The following FMN2 variants were observed in gnomAD, a reference collection of about 807,000 sequenced individuals.
The protein encoded by FMN2 is formin 2.
In FMN2, 51 loss-of-function variants were observed where a neutral mutation model predicts 142.3. That is an observed-to-expected ratio of 0.36 (90% CI 0.29 to 0.45). The LOEUF is 0.45. Ranked by LOEUF, FMN2 falls within the 20% of genes least tolerant of loss-of-function variation. The pLI, the probability that FMN2 is intolerant of heterozygous loss-of-function variation, is 1.00. For synonymous variants in FMN2, 882 were observed against 869.8 expected (o/e 1.01, Z -0.25); for missense variants, 1,936 against 2,122.8 (o/e 0.91, Z 1.73).
intron 7 of FMN2, among the ~76,000 whole-genome samples, chr1:240,288,732 TC>T (rs1669678201): frequency 6.6e-6 from 1 of 151,940 alleles, no homozygotes; most frequent in South Asian, 2.1e-4. Flanking sequence ...GTATGCCCTT[TC>T]TGTCTCACTC....
chr1:240,136,995 A>C (rs1394180448), intron 2 of FMN2, among the ~76,000 whole-genome samples: 2 of 149,780 alleles, frequency 1.3e-5, no homozygotes, highest in Non-Finnish European at 3.0e-5. Flanking sequence ...GCTTGAACCC[A>C]AGAGGCGGAC....
intron 1 of FMN2, among the ~76,000 whole-genome samples, chr1:240,113,996 T>C (rs900930720): frequency 2.0e-5 from 3 of 152,212 alleles, no homozygotes; most frequent in African/African-American, 7.2e-5. Context: ...ATTTAAGATA[T>C]TTTATTGTGA....
chr1:240,314,799 T>G lies in FMN2; in HGVS notation c.4216-14277T>G, dbSNP rs563387233. Among the ~76,000 whole-genome samples, 19 of 152,324 alleles carry G rather than the reference T, an allele frequency of 1.2e-4. No homozygotes were observed. In the East Asian group the frequency reaches 3.7e-3, roughly 29 times the overall value. On this transcript the variant is annotated intron_variant, in intron 8 of 17. Transcript: ENST00000319653. The stretch of plus-strand genomic sequence containing the variant: ...CACATCCTTGTGTGTGGTGTTGAAT[T>G]GTTTGTAAGTTCCCTGTCTGCCTCT...
chr1:240,249,368 T>C (rs547603842), intron 6 of FMN2, among the ~76,000 whole-genome samples: 1 of 152,186 alleles, frequency 6.6e-6, no homozygotes, highest in African/African-American at 2.4e-5. Flanking sequence ...TTTTCCCTCA[T>C]GTATGTTCTT....
At position 240,148,438 on chromosome 1, in the gene FMN2, G is replaced by C. The variant is rs560870476; in HGVS notation, c.1782+25093G>C. 4.9e-5 allele frequency among the ~76,000 whole-genome samples: 6 copies of C among 122,388 alleles called. 1 individual carries two copies. In the East Asian group the frequency reaches 1.4e-3, roughly 29 times the overall value. The allele number at this position is 122,388 out of a possible 152,430, so 80.3% of individuals were successfully genotyped here. A position where few individuals can be genotyped will look rare whatever the true frequency, so the allele number is the denominator to read the frequency against. ...CAGACAGGAAAGATACAGAAAGAGAGAGACAGAGAGAGAGAAAGAGAGAGA... is the reference window on the plus strand; with the variant it reads ...CAGACAGGAAAGATACAGAAAGAGACAGACAGAGAGAGAGAAAGAGAGAGA... On this transcript the variant is annotated intron_variant, in intron 2 of 17. Transcript: ENST00000319653.
At chr1:240,199,020 G>A (rs1292936598) in intron 4 of FMN2, among the ~76,000 whole-genome samples, 7 of 152,200 alleles carry the variant, frequency 4.6e-5, no homozygotes, top group Non-Finnish European at 8.8e-5. Flanking sequence ...AGGGAGAATC[G>A]CTTGAACCCA....
At chr1:240,100,780 A>G (rs1661383989) in intron 1 of FMN2, among the ~76,000 whole-genome samples, 1 of 152,120 alleles carries the variant, frequency 6.6e-6, no homozygotes, top group Admixed American at 6.5e-5. Context: ...TGGAAGCTTT[A>G]TTATCTGTTA....
At chr1:240,293,850 G>A (rs936609824) in intron 7 of FMN2, among the ~76,000 whole-genome samples, 2 of 152,166 alleles carry the variant, frequency 1.3e-5, no homozygotes, top group East Asian at 1.9e-4. Context: ...CCTGTGCTTC[G>A]ATTTCCCACT....
intron 15 of FMN2, among the ~76,000 whole-genome samples, chr1:240,431,823 A>T (rs1675188719): frequency 6.6e-6 from 1 of 150,930 alleles, no homozygotes; most frequent in East Asian, 1.9e-4. Flanking sequence ...CTAATTTGTT[A>T]TGTATTATCC....
chr1:240,249,204 T>C (rs1668192764), intron 6 of FMN2, among the ~76,000 whole-genome samples: 1 of 152,130 alleles, frequency 6.6e-6, no homozygotes, highest in South Asian at 2.1e-4. Context: ...TTTCCCTCTG[T>C]TTACTTCTAG....
At chr1:240,171,224 T>G in intron 2 of FMN2, 2 of 777,340 alleles carry the variant, frequency 2.6e-6, no homozygotes, top group Non-Finnish European at 4.8e-6. Flanking sequence ...AATCTGTCTT[T>G]TGATGAAATT....
At chr1:240,104,120 C>T (rs1399195895) in intron 1 of FMN2, among the ~76,000 whole-genome samples, 3 of 151,120 alleles carry the variant, frequency 2.0e-5, no homozygotes, top group East Asian at 1.9e-4. Context: ...CCTCGTGATC[C>T]GCCCGCCTCA....
At chr1:240,458,663 A>G (rs899218333) in intron 16 of FMN2, 1 of 152,248 alleles carries the variant, frequency 6.6e-6, no homozygotes, top group Admixed American at 6.5e-5. Context: ...AGGTGGAAAT[A>G]GTAAAAGGAT....
chr1:240,276,263 G>A (rs1489642526), intron 7 of FMN2, among the ~76,000 whole-genome samples: 2 of 152,198 alleles, frequency 1.3e-5, no homozygotes, highest in Non-Finnish European at 2.9e-5. Flanking sequence ...ATTAGAATAG[G>A]TGAAGAGGTG....
At chr1:240,177,351 CT>C (rs1664959438) in intron 2 of FMN2, among the ~76,000 whole-genome samples, 2 of 148,114 alleles carry the variant, frequency 1.4e-5, no homozygotes, top group African/African-American at 5.1e-5. Flanking sequence ...CAGAAGATCC[CT>C]ATTCAATTCT....
At chr1:240,465,880 A>G (rs1676604323) in intron 16 of FMN2, among the ~76,000 whole-genome samples, 1 of 152,174 alleles carries the variant, frequency 6.6e-6, no homozygotes, top group African/African-American at 2.4e-5. Context: ...CTCTGTATCT[A>G]TGCCAGAGTG....
At chr1:240,172,601 T>A (rs1216337265) in intron 2 of FMN2, among the ~76,000 whole-genome samples, 1 of 152,142 alleles carries the variant, frequency 6.6e-6, no homozygotes, top group Admixed American at 6.5e-5. Flanking sequence ...AGGGACACAT[T>A]TTTCCTGATT....
intron 4 of FMN2, among the ~76,000 whole-genome samples, chr1:240,202,750 A>G (rs1666175601): frequency 1.3e-5 from 2 of 152,136 alleles, no homozygotes; most frequent in Non-Finnish European, 1.5e-5. Flanking sequence ...AGGCATGACC[A>G]CTGTGCCTCA....
chr1:240,308,267 A>G (rs138665255), intron 8 of FMN2, among the ~76,000 whole-genome samples: 9 of 152,338 alleles, frequency 5.9e-5, no homozygotes, highest in Non-Finnish European at 1.2e-4. Context: ...GGAGGGGAAC[A>G]TTGTAGAAGT....
Sources: allele counts gnomAD v4.1 joint callset (sites outside exome capture counted in the v4.1 genomes callset), GRCh38; gene constraint gnomAD v4.1.1; transcripts MANE v1.5; gene names NCBI Gene and HGNC (gene_info 2026-07-23, HGNC 2026-07-21).